PLEK2: variants seen among roughly 807,000 people sequenced by gnomAD.
PLEK2 encodes pleckstrin-2.
In PLEK2, 29 loss-of-function variants were observed where a neutral mutation model predicts 43.8. The observed-to-expected ratio is 0.66, with a 90% CI of 0.49 to 0.90. The LOEUF (loss-of-function observed/expected upper bound fraction) is 0.90. Among genes scored for constraint, PLEK2 ranks in the 40% least tolerant of loss-of-function variants. The pLI, the probability that PLEK2 is intolerant of heterozygous loss-of-function variation, is 0.00. For synonymous variants in PLEK2, 162 were observed against 173.2 expected (o/e 0.94, Z 0.51); for missense variants, 398 against 448.1 (o/e 0.89, Z 1.01).
intron 1 of PLEK2, among the ~76,000 whole-genome samples, chr14:67,406,516 T>C (rs572523283): frequency 3.0e-4 from 46 of 152,144 alleles, no homozygotes; most frequent in Non-Finnish European, 5.3e-4. Flanking sequence ...TTGGGCTCCA[T>C]AGGGGAGGTG....
Position 67,387,225 on chromosome 14 carries a change from C to T in PLEK2, c.*104G>A, listed in dbSNP as rs1169177537. Reference sequence around the variant, plus strand: ...GCAGCATTCACTCTCCAAAGCAGTACAAAACTTACAAAGAAGTCAAAAGTC... The same window carrying T: ...GCAGCATTCACTCTCCAAAGCAGTATAAAACTTACAAAGAAGTCAAAAGTC... On this transcript the variant is annotated 3_prime_UTR_variant, in exon 9 of 9. Transcript: ENST00000216446. The T allele has an allele frequency of 2.8e-5, 32 of 1,144,640 alleles. No homozygotes were observed. Among genetic ancestry groups the T allele is most frequent in the Non-Finnish European group, 3.9e-5 (32 of 812,152 alleles). 70.9% of individuals were successfully genotyped at this position (1,144,640 alleles called of 1,614,324 possible).
chr14:67,401,862 G>A (rs1477630877), intron 1 of PLEK2, among the ~76,000 whole-genome samples: 1 of 152,172 alleles, frequency 6.6e-6, no homozygotes, highest in African/African-American at 2.4e-5. Flanking sequence ...GGTGGCTCAC[G>A]CCTGTAATTC....
At chr14:67,390,844 C>T (rs188721837) in intron 6 of PLEK2, 98 bp from the exon 7 acceptor site, 31 of 843,016 alleles carry the variant, frequency 3.7e-5, no homozygotes, top group East Asian at 1.9e-4. Flanking sequence ...CAAGCCAGCC[C>T]GCTCCAATGG....
At chr14:67,395,972 A>AC (rs1183943183) in intron 2 of PLEK2, among the ~76,000 whole-genome samples, 1 of 151,890 alleles carries the variant, frequency 6.6e-6, no homozygotes, top group Non-Finnish European at 1.5e-5. Context: ...TTGGCTGTGG[A>AC]CTCCCGGGCA....
In PLEK2 at chr14:67,390,672, G is replaced by T; in HGVS notation, c.846C>A (p.Asp282Glu). The T allele has an allele frequency of 1.2e-6, 2 of 1,610,526 alleles. No homozygotes were observed. Among genetic ancestry groups the T allele is most frequent in the Non-Finnish European group, 8.5e-7 (1 of 1,176,730 alleles). ...RKDPAFLHYY[D>E]PSKEENRPVG... ...CAGCATGCGCACTCACTTTGGAAGG[G>T]TCATAGTAATGCAGGAAAGCTGGAT... is the stretch of plus-strand genomic sequence containing the variant. Residue 282 changes from aspartate (D) to glutamate (E), a missense_variant, in exon 7 of 9, where the codon GAC (aspartate) becomes GAA (glutamate). Physicochemically the swap from Asp to Glu is conservative, Grantham distance 45. Transcript: ENST00000216446.
Position 67,391,973 on chromosome 14 carries a change from CAGA to C in PLEK2, c.771+350_771+352del, listed in dbSNP as rs368498807. On this transcript the variant is annotated intron_variant, in intron 6 of 8. Coordinates refer to ENST00000216446, the MANE Select transcript of PLEK2 (RefSeq NM_016445.3). ...AGAGACCCCAGGACGCCCCAAGGAA[CAGA>C]AGGCCAGCAAATGCAAAACCTCAAG... Among the ~76,000 whole-genome samples, 796 of 152,312 alleles carry C rather than the reference CAGA, an allele frequency of 5.2e-3. 6 individuals are homozygous for C. Among genetic ancestry groups the C allele is most frequent in the African/African-American group, 0.017 (715 of 41,560 alleles).
chr14:67,398,483 T>C (rs1288051764), intron 1 of PLEK2, among the ~76,000 whole-genome samples: 1 of 152,166 alleles, frequency 6.6e-6, no homozygotes, highest in African/African-American at 2.4e-5. Flanking sequence ...CCCTTCTCTT[T>C]ATTCCTGCCA....
In PLEK2 at chr14:67,388,258, G is replaced by A. The variant is rs368337093; in HGVS notation, c.900C>T (p.Leu300=). The A allele has an allele frequency of 4.4e-5, 71 of 1,613,340 alleles. No homozygotes were observed. The highest frequency in any genetic ancestry group is 2.3e-4 in the African/African-American group (17 of 74,884). Residue 300 remains leucine, a synonymous_variant, in exon 8 of 9, where the codon CTC becomes CTT. Coordinates refer to ENST00000216446, the MANE Select transcript of PLEK2 (RefSeq NM_016445.3). ...PVGGFSLRGS[L]VSALEDNGVP... is the part of the protein sequence containing the mutation. ...CGCCATTATCTTCCAGAGCAGACACGAGTGAACCACGAAGAGAAAACCCAC... is the reference window on the plus strand; with the variant it reads ...CGCCATTATCTTCCAGAGCAGACACAAGTGAACCACGAAGAGAAAACCCAC...
chr14:67,400,225 C>G (rs1419351841), intron 1 of PLEK2, among the ~76,000 whole-genome samples: 1 of 152,236 alleles, frequency 6.6e-6, no homozygotes, highest in Admixed American at 6.5e-5. Context: ...ACTTATAACA[C>G]AGCTAATCTG....
rs779095424 is a variant in PLEK2, at chr14:67,388,255, C to T, written c.903G>A (p.Val301=). 7.4e-6 allele frequency: 12 copies of T among 1,613,610 alleles called. No homozygotes were observed. The East Asian group carries it at 2.2e-4, about 30-fold the overall frequency. The change falls in exon 8 of 9, where the codon GTG becomes GTA. Residue 301 remains valine (V), a synonymous_variant. Transcript: ENST00000216446. ...GAACGCCATTATCTTCCAGAGCAGA[C>T]ACGAGTGAACCACGAAGAGAAAACC... is the stretch of plus-strand genomic sequence containing the variant. The part of the protein sequence containing the change: ...VGGFSLRGSL[V]SALEDNGVPT...
At position 67,387,245 on chromosome 14, in the gene PLEK2, A is replaced by G. The variant is rs1453387554; in HGVS notation, c.*84T>C. On this transcript the variant is annotated 3_prime_UTR_variant, in exon 9 of 9. Transcript: ENST00000216446. ...CAGTACAAAACTTACAAAGAAGTCAAAAGTCTTAACACTCCCATTCTCCAG... is the reference window on the plus strand; with the variant it reads ...CAGTACAAAACTTACAAAGAAGTCAGAAGTCTTAACACTCCCATTCTCCAG... 29 of 1,379,420 alleles carry G rather than the reference A, an allele frequency of 2.1e-5. No homozygotes were observed. The highest frequency in any genetic ancestry group is 2.2e-5 in the Non-Finnish European group (22 of 1,014,578). The allele number at this position is 1,379,420 out of a possible 1,614,324, so 85.4% of individuals were successfully genotyped here. A position where few individuals can be genotyped will look rare whatever the true frequency, so the allele number is the denominator to read the frequency against.
chr14:67,389,378 G>A (rs2139837034), intron 7 of PLEK2, among the ~76,000 whole-genome samples: 1 of 152,248 alleles, frequency 6.6e-6, no homozygotes, highest in East Asian at 1.9e-4. Flanking sequence ...GGACAGGAGA[G>A]GGGCATTCAG....
At chr14:67,398,056 C>A (rs1222482567) in intron 1 of PLEK2, 42 of 375,754 alleles carry the variant, frequency 1.1e-4, no homozygotes. Flanking sequence ...TTGAAAGAAA[C>A]TACAAAGTAA....
chr14:67,400,359 T>TA (rs1389647196), intron 1 of PLEK2, among the ~76,000 whole-genome samples: 1 of 152,228 alleles, frequency 6.6e-6, no homozygotes. Context: ...GTTCCTTACT[T>TA]ACATCCACAT....
intron 3 of PLEK2, among the ~76,000 whole-genome samples, chr14:67,393,456 T>TG (rs2085984129): frequency 6.6e-6 from 1 of 152,040 alleles, no homozygotes; most frequent in Non-Finnish European, 1.5e-5. Context: ...TTGTTGTTGT[T>TG]TTTTGTTTGT....
In PLEK2 at chr14:67,412,000, A is replaced by G. The variant is rs12888674; in HGVS notation, c.42+18T>C. 0.3 allele frequency: 454,932 copies of G among 1,538,304 alleles called. 71,844 individuals are homozygous for G. Among genetic ancestry groups the G allele is most frequent in the Non-Finnish European group, 0.33 (378,512 of 1,142,886 alleles). On this transcript the variant is annotated intron_variant, in intron 1 of 8. Transcript: ENST00000216446. Reference sequence around the variant, plus strand: ...GGGCCCCACCCGGGCAATGTCCCGAAGCTCGACGCGCACTCACCCTCTTGA... The same window carrying G: ...GGGCCCCACCCGGGCAATGTCCCGAGGCTCGACGCGCACTCACCCTCTTGA...
intron 3 of PLEK2, among the ~76,000 whole-genome samples, chr14:67,393,744 G>A (rs561978148): frequency 1.3e-5 from 2 of 152,198 alleles, no homozygotes; most frequent in African/African-American, 2.4e-5. Context: ...GTGAGCCACC[G>A]TGCCTGGCCT....
intron 1 of PLEK2, among the ~76,000 whole-genome samples, chr14:67,410,571 T>C (rs371204885): frequency 2.4e-4 from 36 of 152,322 alleles, no homozygotes; most frequent in East Asian, 1.4e-3. Context: ...CATCAGCTTC[T>C]ACCCTCCTTG....
At chr14:67,391,891 T>C (rs1250599705) in intron 6 of PLEK2, among the ~76,000 whole-genome samples, 1 of 151,986 alleles carries the variant, frequency 6.6e-6, no homozygotes, top group African/African-American at 2.4e-5. Flanking sequence ...GTGGAGAAAA[T>C]TGTTTTTAGC....
Sources: gnomAD v4.1 joint callset for allele counts (sites outside exome capture counted in the v4.1 genomes callset) on GRCh38, gnomAD v4.1.1 for gene constraint, MANE v1.5 for transcripts, NCBI Gene and HGNC (gene_info 2026-07-23, HGNC 2026-07-21) for gene names.